The following COL6A6 variants were observed in gnomAD, a reference collection of about 807,000 sequenced individuals.
The protein encoded by COL6A6 is collagen alpha-6(VI) chain.
In COL6A6, 183 loss-of-function variants were observed where a neutral mutation model predicts 208.6. The observed-to-expected ratio is 0.88, with a 90% CI of 0.78 to 0.99. The LOEUF is 0.99. Among genes scored for constraint, COL6A6 ranks in the 50% least tolerant of loss-of-function variants. The pLI, the probability that COL6A6 is intolerant of heterozygous loss-of-function variation, is 0.00. For missense variants in COL6A6, 2,816 were observed against 2,815.2 expected, an observed-to-expected ratio of 1.00 and a Z score of -0.01; for synonymous variants, 973 against 1,011.8, an observed-to-expected ratio of 0.96 and a Z score of 0.73.
rs202178957 is a variant in COL6A6, at chr3:130,565,407, G to C, written c.1075G>C (p.Gly359Arg). 7 of 1,613,620 alleles carry C rather than the reference G, an allele frequency of 4.3e-6. No homozygotes were observed. The highest frequency in any genetic ancestry group is 5.1e-6 in the Non-Finnish European group (6 of 1,179,838). ...TKAAVNLRRE[G>R]VTIFTLGIEG... is the part of the protein sequence containing the mutation. The stretch of plus-strand genomic sequence containing the variant: ...AGCAGCTGTTAACCTCCGACGGGAG[G>C]GTGTGACCATCTTCACCCTGGGCAT... Residue 359 changes from glycine (G) to arginine (R), a missense_variant, in exon 4 of 37, where the codon GGT becomes CGT. Coordinates refer to ENST00000358511, the MANE Select transcript of COL6A6 (RefSeq NM_001102608.3).
At chr3:130,667,693 T>C (rs1356682482) in intron 36 of COL6A6, among the ~76,000 whole-genome samples, 1 of 152,116 alleles carries the variant, frequency 6.6e-6, no homozygotes, top group African/African-American at 2.4e-5. Context: ...TTTGATTTAT[T>C]TAAATATGAG....
chr3:130,570,735 T>A, intron 6 of COL6A6, 83 bp from the exon 7 acceptor site: 2 of 1,028,296 alleles, frequency 1.9e-6, no homozygotes, highest in South Asian at 3.1e-5. Flanking sequence ...GAGAAAACAC[T>A]AGCAATTTAT....
chr3:130,570,840 A>C lies in COL6A6; in HGVS notation c.2424A>C (p.Leu808Phe). ...CAGAATGCAAGCGGATTGAAGTTTT[A>C]GACGTTGTGTTTGTCATTGATAGCT... Reference protein sequence around the residue: ...PREECKRIEVLDVVFVIDSSG... With the variant: ...PREECKRIEVFDVVFVIDSSG... The change falls in exon 7 of 37, where the codon TTA becomes TTC. Residue 808 changes from leucine (L) to phenylalanine (F), a missense_variant. Leu to Phe is a conservative substitution (Grantham distance 22). Coordinates refer to ENST00000358511, the MANE Select transcript of COL6A6 (RefSeq NM_001102608.3). 6.2e-7 allele frequency: 1 copy of C among 1,612,486 alleles called. No homozygotes were observed. Among genetic ancestry groups the C allele is most frequent in the Non-Finnish European group, 8.5e-7 (1 of 1,178,970 alleles).
chr3:130,517,827 C>T (rs1710831023), intron 1 of COL6A6, among the ~76,000 whole-genome samples: 1 of 152,240 alleles, frequency 6.6e-6, no homozygotes, highest in African/African-American at 2.4e-5. Context: ...GGAAAAGTCA[C>T]TCCCAAGCCT....
chr3:130,615,341 AT>A (rs1176070833), intron 23 of COL6A6, among the ~76,000 whole-genome samples: 1 of 151,766 alleles, frequency 6.6e-6, no homozygotes, highest in Non-Finnish European at 1.5e-5. Flanking sequence ...TTTGCTGAGG[AT>A]TGTTTTATTT....
chr3:130,662,243 G>A lies in COL6A6; in HGVS notation c.6437G>A (p.Arg2146Gln), dbSNP rs763604735. Reference protein sequence around the residue: ...PLDHHLVQLGRIHKPDHSYGV... With the variant: ...PLDHHLVQLGQIHKPDHSYGV... ...GATCACCACCTGGTCCAGCTTGGCC[G>A]AATTCATAAACCTGACCACAGTTAT... The change falls in exon 35 of 37, where the codon CGA (arginine) becomes CAA (glutamine). Residue 2146 changes from arginine (R) to glutamine (Q), a missense_variant. Arg to Gln is a conservative substitution (Grantham distance 43). Coordinates refer to ENST00000358511, the MANE Select transcript of COL6A6 (RefSeq NM_001102608.3). 1.4e-5 allele frequency: 23 copies of A among 1,613,966 alleles called. No homozygotes were observed. Among genetic ancestry groups the A allele is most frequent in the South Asian group, 3.3e-5 (3 of 91,084 alleles).
chr3:130,532,112 G>A (rs1248980515), intron 1 of COL6A6, among the ~76,000 whole-genome samples: 1 of 152,052 alleles, frequency 6.6e-6, no homozygotes, highest in Non-Finnish European at 1.5e-5. Flanking sequence ...GTGTCCTTCT[G>A]AGATTAATAT....
chr3:130,572,283 C>T (rs990622143), intron 7 of COL6A6, among the ~76,000 whole-genome samples: 7 of 152,204 alleles, frequency 4.6e-5, no homozygotes, highest in Non-Finnish European at 1.0e-4. Flanking sequence ...TGCATTGCTG[C>T]ATGTATGTAT....
chr3:130,535,321 A>T (rs1389450663), intron 1 of COL6A6, among the ~76,000 whole-genome samples: 1 of 152,158 alleles, frequency 6.6e-6, no homozygotes, highest in Admixed American at 6.5e-5. Context: ...CCATGGATAG[A>T]TATTTTTATG....
At chr3:130,642,034 G>T (rs1655415951) in intron 29 of COL6A6, among the ~76,000 whole-genome samples, 1 of 152,134 alleles carries the variant, frequency 6.6e-6, no homozygotes, top group African/African-American at 2.4e-5. Context: ...ATGAATGGAA[G>T]TGAAAGGAAA....
chr3:130,674,259 C>T (rs1351341845), intron 36 of COL6A6, among the ~76,000 whole-genome samples: 1 of 152,220 alleles, frequency 6.6e-6, no homozygotes, highest in East Asian at 1.9e-4. Flanking sequence ...TCCTCAGTCA[C>T]ACTACATTTC....
intron 1 of COL6A6, among the ~76,000 whole-genome samples, chr3:130,523,487 C>T (rs1008093550): frequency 6.6e-6 from 1 of 152,150 alleles, no homozygotes; most frequent in African/African-American, 2.4e-5. Flanking sequence ...GGGCAAGTCA[C>T]CTAACTTATC....
At chr3:130,617,942 C>T (rs995096469) in intron 23 of COL6A6, among the ~76,000 whole-genome samples, 3 of 152,152 alleles carry the variant, frequency 2.0e-5, no homozygotes, top group Admixed American at 1.3e-4. Flanking sequence ...TAATCGTTAA[C>T]CTCTAAACAC....
chr3:130,654,780 A>G (rs928432055), intron 33 of COL6A6, among the ~76,000 whole-genome samples: 9 of 152,222 alleles, frequency 5.9e-5, no homozygotes, highest in Non-Finnish European at 1.2e-4. Flanking sequence ...GCTGAACAAG[A>G]GACCGGGGTC....
intron 8 of COL6A6, among the ~76,000 whole-genome samples, chr3:130,578,432 G>C (rs552109661): frequency 1.3e-5 from 2 of 152,152 alleles, no homozygotes; most frequent in African/African-American, 4.8e-5. Flanking sequence ...TGCAGTCCCA[G>C]GGAAGCAAGA....
At chr3:130,635,359 TC>T (rs2065080766) in intron 27 of COL6A6, among the ~76,000 whole-genome samples, 1 of 152,244 alleles carries the variant, frequency 6.6e-6, no homozygotes, top group Non-Finnish European at 1.5e-5. Context: ...AGCAATGACA[TC>T]TTCTACCTTG....
chr3:130,523,713 G>A (rs949080428), intron 1 of COL6A6, among the ~76,000 whole-genome samples: 2 of 152,288 alleles, frequency 1.3e-5, no homozygotes, highest in Non-Finnish European at 1.5e-5. Context: ...AGTTAAAGGG[G>A]CACTTTGATG....
chr3:130,564,931 A>C, intron 3 of COL6A6, 63 bp from the exon 4 acceptor site: 1 of 1,567,058 alleles, frequency 6.4e-7, no homozygotes, highest in East Asian at 2.2e-5. Flanking sequence ...CATGCCTTCT[A>C]ATGCTCACCA....
intron 21 of COL6A6, among the ~76,000 whole-genome samples, chr3:130,607,319 C>T (rs1317140072): frequency 2.6e-5 from 4 of 151,982 alleles, no homozygotes; most frequent in African/African-American, 9.7e-5. Context: ...CCATATAAGC[C>T]AAAAGAATAC....
Sources: allele counts gnomAD v4.1 joint callset (sites outside exome capture counted in the v4.1 genomes callset), GRCh38; gene constraint gnomAD v4.1.1; transcripts MANE v1.5; gene names NCBI Gene and HGNC (gene_info 2026-07-23, HGNC 2026-07-21).